Variants in PCMT1 observed in about 807,000 individuals in gnomAD.
PCMT1 encodes protein-L-isoaspartate (D-aspartate) O-methyltransferase.
In PCMT1, 9 loss-of-function variants were observed where a neutral mutation model predicts 29.2. That is an observed-to-expected ratio of 0.31 (90% CI 0.19 to 0.54). The LOEUF (loss-of-function observed/expected upper bound fraction) is 0.54, where lower values mean the gene tolerates loss of function less well. Ranked by LOEUF, PCMT1 falls within the 20% of genes least tolerant of loss-of-function variation. PCMT1 has a pLI of 0.95. For synonymous variants in PCMT1, 98 were observed against 97.5 expected (o/e 1.00, Z -0.03); for missense variants, 184 against 282.2 (o/e 0.65, Z 2.49).
intron 1 of PCMT1, among the ~76,000 whole-genome samples, chr6:149,763,389 T>G (rs968066362): frequency 1.3e-5 from 2 of 151,244 alleles, no homozygotes; most frequent in Non-Finnish European, 2.9e-5. Flanking sequence ...AAGCATCTTT[T>G]AGAACATGGG....
At chr6:149,762,499 GATAT>G (rs1308765047) in intron 1 of PCMT1, among the ~76,000 whole-genome samples, 2 of 97,650 alleles carry the variant, frequency 2.0e-5, no homozygotes, top group Non-Finnish European at 3.8e-5. Flanking sequence ...GGTAATCTAT[GATAT>G]ATATATATAT....
At chr6:149,765,532 A>G (rs1293014286) in intron 1 of PCMT1, among the ~76,000 whole-genome samples, 2 of 151,938 alleles carry the variant, frequency 1.3e-5, no homozygotes, top group African/African-American at 4.8e-5. Flanking sequence ...TTGCTAGTTT[A>G]TTACTATTTA....
chr6:149,790,177 T>C (rs972215811), intron 4 of PCMT1, 119 bp downstream of exon 4: 10 of 638,986 alleles, frequency 1.6e-5, no homozygotes, highest in Non-Finnish European at 2.4e-5. Flanking sequence ...AGGATAGCAG[T>C]TGGAATGAGC....
intron 1 of PCMT1, among the ~76,000 whole-genome samples, chr6:149,770,526 G>C (rs903772324): frequency 6.6e-6 from 1 of 152,036 alleles, no homozygotes; most frequent in Admixed American, 6.6e-5. Flanking sequence ...CTAACACAGT[G>C]AAACCCCATC....
Position 149,796,436 on chromosome 6 carries a change from A to AT in PCMT1, c.441dup (p.Ala148CysfsTer2). On this transcript the variant is annotated frameshift_variant, in exon 6 of 8. Coordinates refer to ENST00000464889, the MANE Select transcript of PCMT1 (RefSeq NM_001360452.2). LOFTEE classifies it high-confidence loss of function. ...TCAGTGGGGGATGGAAGAATGGGAT[A>AT]TGCTGAAGAAGCCCCTTATGATGCC... is the stretch of plus-strand genomic sequence containing the variant. 6.2e-7 allele frequency: 1 copy of AT among 1,613,784 alleles called. No individual in the cohort carries two copies. Among genetic ancestry groups the AT allele is most frequent in the Non-Finnish European group, 8.5e-7 (1 of 1,179,852 alleles).
chr6:149,765,033 G>A (rs926682390), intron 1 of PCMT1, among the ~76,000 whole-genome samples: 30 of 144,446 alleles, frequency 2.1e-4, no homozygotes, highest in Middle Eastern at 7.6e-3. Context: ...GTGAGATTCC[G>A]TCTCTAAATA....
chr6:149,801,907 G>A (rs757245408), intron 6 of PCMT1, among the ~76,000 whole-genome samples: 10 of 152,052 alleles, frequency 6.6e-5, no homozygotes, highest in Non-Finnish European at 4.4e-5. Context: ...GGTGGGTGGA[G>A]TACTTGAGGT....
intron 1 of PCMT1, among the ~76,000 whole-genome samples, chr6:149,751,825 A>G (rs1281656756): frequency 2.0e-5 from 3 of 150,402 alleles, no homozygotes; most frequent in African/African-American, 7.3e-5. Flanking sequence ...TGGTGGGGGG[A>G]CAATACTTAA....
intron 1 of PCMT1, among the ~76,000 whole-genome samples, chr6:149,758,208 C>T (rs28529688): frequency 5.6e-4 from 41 of 73,858 alleles, no homozygotes; most frequent in Admixed American, 1.1e-3. Context: ...TTCTTTCTTT[C>T]TTTTTTTTTT....
intron 1 of PCMT1, among the ~76,000 whole-genome samples, chr6:149,762,353 G>T (rs1341435863): frequency 6.6e-6 from 1 of 151,184 alleles, no homozygotes; most frequent in Non-Finnish European, 1.5e-5. Context: ...AAGCAGATCG[G>T]GTATGGGTGG....
At chr6:149,772,330 A>G (rs1787360223) in intron 2 of PCMT1, 1 of 331,176 alleles carries the variant, frequency 3.0e-6, no homozygotes, top group Non-Finnish European at 5.9e-6. Context: ...AATTAACATT[A>G]GATGATAAGA....
At chr6:149,789,563 C>T (rs1170491229) in intron 3 of PCMT1, among the ~76,000 whole-genome samples, 1 of 152,040 alleles carries the variant, frequency 6.6e-6, no homozygotes, top group East Asian at 1.9e-4. Flanking sequence ...TTTGTATTTG[C>T]TTATATATGC....
Position 149,760,843 on chromosome 6 carries a change from C to G in PCMT1, c.56-10319C>G, listed in dbSNP as rs114892391. On this transcript the variant is annotated intron_variant, in intron 1 of 7. Transcript: ENST00000464889. ...CTCCAGCCTGGCACAGAGCAAGACT[C>G]CGTCTCAAAAAACAAACAAAACAAA... Among the ~76,000 whole-genome samples the G allele has an allele frequency of 4.2e-3, 645 of 152,200 alleles. 3 individuals are homozygous for G. Among genetic ancestry groups the G allele is most frequent in the African/African-American group, 0.015 (616 of 41,516 alleles).
intron 7 of PCMT1, among the ~76,000 whole-genome samples, chr6:149,803,559 A>G (rs1775919539): frequency 6.6e-6 from 1 of 151,860 alleles, no homozygotes; most frequent in African/African-American, 2.4e-5. Flanking sequence ...GAGTGACATC[A>G]GTACATAACA....
chr6:149,799,305 C>A (rs1440531520), intron 6 of PCMT1, among the ~76,000 whole-genome samples: 3 of 150,904 alleles, frequency 2.0e-5, no homozygotes, highest in African/African-American at 7.4e-5. Flanking sequence ...CAGAGAAAGA[C>A]CCTGTCTCTA....
chr6:149,783,524 C>T (rs111874128), intron 3 of PCMT1, among the ~76,000 whole-genome samples: 435 of 152,166 alleles, frequency 2.9e-3, no homozygotes, highest in Middle Eastern at 0.01. Context: ...TTGACATGTC[C>T]GGTGGTGTGG....
chr6:149,761,271 GTGT>G (rs1786729703), intron 1 of PCMT1, among the ~76,000 whole-genome samples: 2 of 151,842 alleles, frequency 1.3e-5, no homozygotes, highest in African/African-American at 4.9e-5. Context: ...GTGTGTGTGT[GTGT>G]GTGTGTACAT....
chr6:149,771,850 A>G (rs1787339421), intron 2 of PCMT1, among the ~76,000 whole-genome samples: 1 of 152,176 alleles, frequency 6.6e-6, no homozygotes, highest in Admixed American at 6.6e-5. Flanking sequence ...AACTTACAGT[A>G]TTAGCCGAGT....
At chr6:149,765,826 T>C in intron 1 of PCMT1, 1 of 192,182 alleles carries the variant, frequency 5.2e-6, no homozygotes, top group South Asian at 8.3e-5. Flanking sequence ...ATTAGCTGGG[T>C]GTGGCGGTGG....
Sources: gnomAD v4.1 joint callset for allele counts (sites outside exome capture counted in the v4.1 genomes callset) on GRCh38, gnomAD v4.1.1 for gene constraint, MANE v1.5 for transcripts, NCBI Gene and HGNC (gene_info 2026-07-23, HGNC 2026-07-21) for gene names.